CD8B: variants seen among roughly 807,000 people sequenced by gnomAD.
CD8B encodes the protein CD8 subunit beta.
CD8B carries 6 observed loss-of-function variants against 24.2 expected under a neutral mutation model. The ratio of observed to expected loss-of-function variants is 0.25; its 90% CI spans 0.14 to 0.49. The LOEUF is 0.49. CD8B is among the 20% of genes least tolerant of loss of function. The probability of loss-of-function intolerance (pLI) is 0.98; values close to 1 mark genes in which losing one functional copy is unlikely to be tolerated. For missense variants in CD8B, 196 were observed against 271.3 expected (o/e 0.72, Z 1.95); for synonymous variants, 84 against 108.3 (o/e 0.78, Z 1.39).
intron 5 of CD8B, among the ~76,000 whole-genome samples, chr2:86,818,487 A>G (rs1485902831): frequency 6.6e-6 from 1 of 152,170 alleles, no homozygotes; most frequent in Non-Finnish European, 1.5e-5. Flanking sequence ...AATTCTTGCA[A>G]TACCTCAAAC....
chr2:86,846,925 G>C, intron 3 of CD8B, 152 bp from the exon 4 acceptor site: 8 of 187,716 alleles, frequency 4.3e-5, no homozygotes, highest in Admixed American at 8.6e-5. Flanking sequence ...TTTTCCTCAA[G>C]TATTTTTTTT....
intron 5 of CD8B, among the ~76,000 whole-genome samples, chr2:86,817,403 T>C (rs955900057): frequency 6.6e-6 from 1 of 152,044 alleles, no homozygotes; most frequent in Non-Finnish European, 1.5e-5. Context: ...TAATATCTAA[T>C]AGGGGAATGA....
At chr2:86,825,867 G>A (rs1004441757) in intron 5 of CD8B, among the ~76,000 whole-genome samples, 1 of 152,088 alleles carries the variant, frequency 6.6e-6, no homozygotes, top group Non-Finnish European at 1.5e-5. Flanking sequence ...ACTGTAACAG[G>A]CTGCATGCTC....
chr2:86,818,591 A>G (rs192940197), intron 5 of CD8B, among the ~76,000 whole-genome samples: 14 of 152,298 alleles, frequency 9.2e-5, no homozygotes, highest in Admixed American at 7.9e-4. Context: ...AACCATGCCC[A>G]TTTATGACAG....
chr2:86,815,997 A>C (rs1488089098), intron 5 of CD8B, among the ~76,000 whole-genome samples: 1 of 152,232 alleles, frequency 6.6e-6, no homozygotes, highest in East Asian at 1.9e-4. Context: ...TTACCTGCTC[A>C]GTTATTCCCC....
At chr2:86,861,231 G>A (rs1035985225) in intron 1 of CD8B, among the ~76,000 whole-genome samples, 4 of 152,096 alleles carry the variant, frequency 2.6e-5, no homozygotes, top group Admixed American at 2.0e-4. Context: ...CAATCCAGAT[G>A]CCCCATCCAA....
At chr2:86,838,000 G>A (rs867738603), downstream of CD8B, among the ~76,000 whole-genome samples, 5 of 152,282 alleles carry the variant, frequency 3.3e-5, no homozygotes, top group African/African-American at 9.6e-5. Flanking sequence ...AATGTAGCTC[G>A]CCCAAAGTCT....
downstream of CD8B, among the ~76,000 whole-genome samples, chr2:86,834,578 C>T (rs1442080678): frequency 6.6e-6 from 1 of 151,960 alleles, no homozygotes; most frequent in African/African-American, 2.4e-5. Context: ...TGACCAGGCT[C>T]AAACGTGGGA....
In CD8B at chr2:86,841,635, A is replaced by G. The variant is rs563914105; in HGVS notation, c.*672T>C. On this transcript the variant is annotated 3_prime_UTR_variant, in exon 6 of 6. Coordinates refer to ENST00000390655, the MANE Select transcript of CD8B (RefSeq NM_004931.5). ...TGTACAACTAAGACATTTGTATAAAACAAACAGAAAATGAAAGAAGCATTA... is the reference window on the plus strand; with the variant it reads ...TGTACAACTAAGACATTTGTATAAAGCAAACAGAAAATGAAAGAAGCATTA... 1.7e-3 allele frequency: 1,699 copies of G among 984,188 alleles called. 4 individuals carry two copies. The highest frequency in any genetic ancestry group is 2.0e-3 in the Non-Finnish European group (1,623 of 828,930). 61.0% of individuals were successfully genotyped at this position (984,188 alleles called of 1,614,324 possible). A position where few individuals can be genotyped will look rare whatever the true frequency, so the allele number is the denominator to read the frequency against.
At chr2:86,845,755 T>C (rs1675644077) in intron 4 of CD8B, among the ~76,000 whole-genome samples, 1 of 152,260 alleles carries the variant, frequency 6.6e-6, no homozygotes, top group Non-Finnish European at 1.5e-5. Context: ...AGTTCCTTCC[T>C]TGATCGAGAG....
At chr2:86,848,701 A>ATTATTTATTTATTTATTTAATTTATTTAT (rs1675812475) in intron 3 of CD8B, among the ~76,000 whole-genome samples, 1 of 58,890 alleles carries the variant, frequency 1.7e-5, no homozygotes, top group Admixed American at 2.0e-4. Flanking sequence ...GTATTTTTAA[A>ATTATTTATTTATTTATTTAATTTATTTAT]TTATTTATTT....
At chr2:86,843,115 A>G (rs1048018489) in intron 5 of CD8B, among the ~76,000 whole-genome samples, 1 of 151,954 alleles carries the variant, frequency 6.6e-6, no homozygotes, top group Non-Finnish European at 1.5e-5. Context: ...TTTTTGAGAC[A>G]GAGTTTCACT....
At chr2:86,834,313 T>TACTC (rs10671735), downstream of CD8B, among the ~76,000 whole-genome samples, 61,104 of 150,732 alleles carry the variant, frequency 0.41, 13,101 homozygotes, top group African/African-American at 0.53. Flanking sequence ...TTTACATTTT[T>TACTC]ACTCAGTGAC....
intron 5 of CD8B, among the ~76,000 whole-genome samples, chr2:86,821,027 C>T (rs1171158181): frequency 1.3e-5 from 2 of 152,140 alleles, no homozygotes; most frequent in African/African-American, 4.8e-5. Flanking sequence ...CTGAGCCATC[C>T]TGTCTGTCCC....
At chr2:86,829,095 CTTTTTTTT>C (rs746569858) in intron 5 of CD8B, among the ~76,000 whole-genome samples, 3 of 82,986 alleles carry the variant, frequency 3.6e-5, no homozygotes, top group East Asian at 7.5e-4. Flanking sequence ...ATGCTCTTTA[CTTTTTTTT>C]TTTTTTTTTT....
intron 2 of CD8B, among the ~76,000 whole-genome samples, chr2:86,857,449 T>C (rs552059944): frequency 2.6e-5 from 4 of 152,314 alleles, no homozygotes; most frequent in South Asian, 2.1e-4. Flanking sequence ...CCAGGCATGG[T>C]GGCTCACGCC....
At chr2:86,825,930 C>G (rs781308788) in intron 5 of CD8B, among the ~76,000 whole-genome samples, 4 of 151,990 alleles carry the variant, frequency 2.6e-5, no homozygotes, top group Non-Finnish European at 5.9e-5. Flanking sequence ...GGGTGCCATT[C>G]GGACATGAAC....
At chr2:86,848,106 C>T (rs1675774729) in intron 3 of CD8B, among the ~76,000 whole-genome samples, 1 of 152,030 alleles carries the variant, frequency 6.6e-6, no homozygotes, top group South Asian at 2.1e-4. Context: ...CTGTATATTT[C>T]CTTACAAAGG....
rs1322473996 is a variant in CD8B, at chr2:86,815,849, G to C, written c.621-131C>G. 16 of 679,160 alleles carry C rather than the reference G, an allele frequency of 2.4e-5. No individual in the cohort carries two copies. The East Asian group carries it at 4.0e-4, about 17-fold the overall frequency. The allele number at this position is 679,160 out of a possible 1,614,324, so 42.1% of individuals were successfully genotyped here. ...TGTTGTGTCAAATTCAACACAGAAA[G>C]AGCCAGGCATATAGCACTTGATAGG... On this transcript the variant is annotated intron_variant, in intron 5 of 5. Coordinates refer to the CD8B transcript ENST00000331469.
Sources: allele counts gnomAD v4.1 joint callset (sites outside exome capture counted in the v4.1 genomes callset), GRCh38; gene constraint gnomAD v4.1.1; transcripts MANE v1.5; gene names NCBI Gene and HGNC (gene_info 2026-07-23, HGNC 2026-07-21).